The following EYA4 variants were observed in gnomAD, a reference collection of about 807,000 sequenced individuals.
EYA4 encodes protein phosphatase EYA4.
EYA4 carries 31 observed loss-of-function variants against 87.9 expected under a neutral mutation model. The ratio of observed to expected loss-of-function variants is 0.35; its 90% CI spans 0.27 to 0.48. The LOEUF (loss-of-function observed/expected upper bound fraction) is 0.48, where lower values mean the gene tolerates loss of function less well. Among genes scored for constraint, EYA4 ranks in the 20% least tolerant of loss-of-function variants. The probability of loss-of-function intolerance (pLI) is 0.99; values close to 1 mark genes in which losing one functional copy is unlikely to be tolerated. For missense variants in EYA4, 678 were observed against 761.4 expected (o/e 0.89, Z 1.29); for synonymous variants, 263 against 270.6 (o/e 0.97, Z 0.28).
chr6:133,488,996 G>A lies in EYA4; in HGVS notation c.1191+5881G>A, dbSNP rs552681137. ...TTCAAAATAGCTTTTTTGAGGAATC[G>A]CAACAAAATTCAAGATAACAGAGAA... On this transcript the variant is annotated intron_variant, in intron 13 of 19. Coordinates refer to ENST00000355286, the MANE Select transcript of EYA4 (RefSeq NM_004100.5). Among the ~76,000 whole-genome samples the A allele has an allele frequency of 9.9e-5, 15 of 152,144 alleles. No homozygotes were observed. In the East Asian group the frequency reaches 1.9e-3, roughly 20 times the overall value.
intron 11 of EYA4, among the ~76,000 whole-genome samples, chr6:133,480,371 G>C (rs1177206397): frequency 2.0e-5 from 3 of 152,170 alleles, no homozygotes; most frequent in African/African-American, 7.2e-5. Flanking sequence ...ATTAGCAGGA[G>C]TATTTTTATC....
At chr6:133,293,691 T>C (rs910720027) in intron 2 of EYA4, among the ~76,000 whole-genome samples, 16 of 151,960 alleles carry the variant, frequency 1.1e-4, no homozygotes, top group African/African-American at 3.9e-4. Context: ...ATCCCAGCAT[T>C]TTGGGAGGCT....
intron 14 of EYA4, 160 bp downstream of exon 14, chr6:133,506,355 G>C (rs543533402): frequency 1.3e-4 from 72 of 566,360 alleles, no homozygotes; most frequent in Non-Finnish European, 2.1e-4. Context: ...ACAAATATAA[G>C]CAGAAAGTTA....
chr6:133,299,955 C>CTATCTATCTATA (rs1554220543), intron 2 of EYA4, among the ~76,000 whole-genome samples: 1 of 106,208 alleles, frequency 9.4e-6, no homozygotes, highest in Admixed American at 9.5e-5. Flanking sequence ...ATCTATCTAT[C>CTATCTATCTATA]TATATATATA....
chr6:133,250,657 A>C (rs535262881), intron 1 of EYA4, among the ~76,000 whole-genome samples: 135 of 152,068 alleles, frequency 8.9e-4, no homozygotes, highest in African/African-American at 3.0e-3. Context: ...TAAATAAATA[A>C]ATAAAAAGGA....
intron 2 of EYA4, 89 bp from the exon 3 acceptor site, chr6:133,382,303 A>G (rs1458202369): frequency 2.2e-6 from 2 of 907,664 alleles, no homozygotes; most frequent in Non-Finnish European, 3.7e-6. Context: ...GAACTTGGTG[A>G]ACAGAGCTAT....
intron 13 of EYA4, among the ~76,000 whole-genome samples, chr6:133,483,746 C>CAA (rs1431402976): frequency 7.1e-6 from 1 of 140,026 alleles, no homozygotes; most frequent in East Asian, 2.1e-4. Context: ...TATTTTGAGA[C>CAA]AAAGTCTCAC....
intron 3 of EYA4, among the ~76,000 whole-genome samples, chr6:133,391,464 G>C (rs894518388): frequency 6.6e-6 from 1 of 152,068 alleles, no homozygotes; most frequent in Non-Finnish European, 1.5e-5. Context: ...TTATCTCCCT[G>C]TTCATCTCTT....
chr6:133,461,087 G>A lies in EYA4; in HGVS notation c.371-27G>A, dbSNP rs547348838. On this transcript the variant is annotated intron_variant, in intron 6 of 19. Transcript: ENST00000355286. ...AAATGTATTTATGAAGCAACCTTTG[G>A]TGCACTGGTATTTTTGTGTCTTACA... 24 of 1,532,210 alleles carry A rather than the reference G, an allele frequency of 1.6e-5. No individual in the cohort carries two copies. The South Asian group carries it at 2.3e-4, about 15-fold the overall frequency. The allele number at this position is 1,532,210 out of a possible 1,614,324, so 94.9% of individuals were successfully genotyped here. A position where few individuals can be genotyped will look rare whatever the true frequency, so the allele number is the denominator to read the frequency against.
chr6:133,389,800 G>A (rs1787097646), intron 3 of EYA4, among the ~76,000 whole-genome samples: 1 of 151,980 alleles, frequency 6.6e-6, no homozygotes, highest in African/African-American at 2.4e-5. Context: ...TTCAGCTATA[G>A]CCCCCCCAAT....
chr6:133,388,701 C>T (rs1786987917), intron 3 of EYA4, among the ~76,000 whole-genome samples: 1 of 152,152 alleles, frequency 6.6e-6, no homozygotes, highest in Admixed American at 6.6e-5. Flanking sequence ...TTGAAGAAGA[C>T]TCATCCTAAA....
At chr6:133,263,304 G>T (rs977571077) in intron 1 of EYA4, among the ~76,000 whole-genome samples, 1 of 152,190 alleles carries the variant, frequency 6.6e-6, no homozygotes, top group Non-Finnish European at 1.5e-5. Flanking sequence ...GGACAACTAA[G>T]CAACAGGAAG....
At chr6:133,487,041 A>G (rs1436996897) in intron 13 of EYA4, among the ~76,000 whole-genome samples, 2 of 152,220 alleles carry the variant, frequency 1.3e-5, no homozygotes, top group African/African-American at 2.4e-5. Context: ...CCAGTCTTCC[A>G]GCAGCAGCTG....
At chr6:133,358,138 C>T (rs527432473) in intron 2 of EYA4, among the ~76,000 whole-genome samples, 63 of 152,236 alleles carry the variant, frequency 4.1e-4, no homozygotes, top group African/African-American at 1.4e-3. Context: ...TATGCTTCAA[C>T]AGAGCAAAAC....
intron 3 of EYA4, among the ~76,000 whole-genome samples, chr6:133,394,298 T>TTTTTTTTTTTTTTTTTTTTTTTTTG (rs1787592806): frequency 7.9e-6 from 1 of 126,394 alleles, no homozygotes; most frequent in African/African-American, 3.0e-5. Context: ...TTTTTTTTTT[T>TTTTTTTTTTTTTTTTTTTTTTTTTG]TTTTTTTTTT....
At chr6:133,379,750 A>G (rs1926093) in intron 2 of EYA4, among the ~76,000 whole-genome samples, 5,964 of 152,212 alleles carry the variant, frequency 0.039, 353 homozygotes, top group African/African-American at 0.13. Flanking sequence ...GGCTGGGGAT[A>G]TAATGATGTA....
At chr6:133,415,416 C>G (rs1265843195) in intron 3 of EYA4, among the ~76,000 whole-genome samples, 1 of 152,166 alleles carries the variant, frequency 6.6e-6, no homozygotes, top group Non-Finnish European at 1.5e-5. Flanking sequence ...TCCTCCTCTT[C>G]TCTCACTGCT....
intron 2 of EYA4, among the ~76,000 whole-genome samples, chr6:133,331,001 T>G (rs927799989): frequency 6.6e-6 from 1 of 151,676 alleles, no homozygotes; most frequent in Non-Finnish European, 1.5e-5. Flanking sequence ...TCTAATGCTA[T>G]TTGATTATTT....
chr6:133,491,881 G>A (rs1562483166), intron 13 of EYA4, among the ~76,000 whole-genome samples: 1 of 148,620 alleles, frequency 6.7e-6, no homozygotes, highest in East Asian at 2.0e-4. Flanking sequence ...GAACCTGGGT[G>A]GCAGAGCTTG....
Sources: gnomAD v4.1 joint callset for allele counts (sites outside exome capture counted in the v4.1 genomes callset) on GRCh38, gnomAD v4.1.1 for gene constraint, MANE v1.5 for transcripts, NCBI Gene and HGNC (gene_info 2026-07-23, HGNC 2026-07-21) for gene names.